Variants in OR8U3 observed in about 807,000 individuals in gnomAD.
The protein encoded by OR8U3 is olfactory receptor 8U3.
For missense variants in OR8U3, 429 were observed against 388.6 expected, an observed-to-expected ratio of 1.10 and a Z score of -0.88; for synonymous variants, 170 against 147.0, an observed-to-expected ratio of 1.16 and a Z score of -1.13.
In OR8U3 at chr11:56,417,542, T is replaced by G. The variant is rs1210281874; in HGVS notation, c.691A>C (p.Thr231Pro). Residue 231 changes from threonine (T) to proline (P), a missense_variant, in exon 1 of 1, where the codon ACT becomes CCT. By Grantham distance (38) the Thr-to-Pro change is conservative. Transcript: ENST00000623286. ...IIAAILRIRS[T>P]QGQHKAISTC... The stretch of plus-strand genomic sequence containing the variant: ...GAAATGGCTTTGTGTTGCCCCTGAG[T>G]AGAGCGGATCCTTAGGATAGCGGCA... 2 of 1,613,796 alleles carry G rather than the reference T, an allele frequency of 1.2e-6. No homozygotes were observed.
chr11:56,418,093 G>A lies in OR8U3; in HGVS notation c.140C>T (p.Thr47Ile), dbSNP rs757556492. Residue 47 changes from threonine (T) to isoleucine (I), a missense_variant, in exon 1 of 1, where the codon ACT becomes ATT. Coordinates refer to ENST00000623286, the MANE Select transcript of OR8U3 (RefSeq NM_001004744.1). ...VTVLGNLGLI[T>I]LIKIDTRLHT... ...GAGTCGAGTATCAATCTTGATTAAA[G>A]TAATCAACCCAAGATTGCCCAGCAC... is the stretch of plus-strand genomic sequence containing the variant. 3 of 1,613,702 alleles carry A rather than the reference G, an allele frequency of 1.9e-6. No homozygotes were observed. The highest frequency in any genetic ancestry group is 1.7e-5 in the Admixed American group (1 of 59,942).
In OR8U3 at chr11:56,417,847, G is replaced by T; in HGVS notation, c.386C>A (p.Pro129His). 2 of 1,613,748 alleles carry T rather than the reference G, an allele frequency of 1.2e-6. No individual in the cohort carries two copies. Among genetic ancestry groups the T allele is most frequent in the East Asian group, 4.5e-5 (2 of 44,874 alleles). Residue 129 changes from proline (P) to histidine (H), a missense_variant, in exon 1 of 1, where the codon CCC becomes CAC. Pro to His is a moderately conservative substitution (Grantham distance 77). Coordinates refer to ENST00000623286, the MANE Select transcript of OR8U3 (RefSeq NM_001004744.1). ...AYDCYVAICSPLHYSTLMSRR... is the reference protein window; with the variant it reads ...AYDCYVAICSHLHYSTLMSRR... The stretch of plus-strand genomic sequence containing the variant: ...TGACATCAGTGTTGAATAATGCAGG[G>T]GACTACAGATGGCGACATAGCAATC...
At position 56,417,616 on chromosome 11, in the gene OR8U3, T is replaced by A. The variant is rs777447613; in HGVS notation, c.617A>T (p.Asp206Val). 3.7e-6 allele frequency: 6 copies of A among 1,614,000 alleles called. No individual in the cohort carries two copies. The highest frequency in any genetic ancestry group is 5.1e-6 in the Non-Finnish European group (6 of 1,179,950). Reference sequence around the variant, plus strand: ...GACAATGGAAGAGGAAGAGATCATATCAAAGCCAGCAAAGGCAAATATCAG... The same window carrying A: ...GACAATGGAAGAGGAAGAGATCATAACAAAGCCAGCAAAGGCAAATATCAG... ...EILIFAFAGFDMISSSSIVLT... is the reference protein window; with the variant it reads ...EILIFAFAGFVMISSSSIVLT... Residue 206 changes from aspartate to valine, a missense_variant, in exon 1 of 1, where the codon GAT becomes GTT. By Grantham distance (152) the Asp-to-Val change is radical. Coordinates refer to ENST00000623286, the MANE Select transcript of OR8U3 (RefSeq NM_001004744.1).
chr11:56,417,932 G>C lies in OR8U3; in HGVS notation c.301C>G (p.Leu101Val). The change falls in exon 1 of 1, where the codon CTG becomes GTG. Residue 101 changes from leucine (L) to valine (V), a missense_variant. Leu to Val is a conservative substitution (Grantham distance 32, BLOSUM62 1). Coordinates refer to ENST00000623286, the MANE Select transcript of OR8U3 (RefSeq NM_001004744.1). ...ATCATGAAGGTGAGAAAACAACCCA[G>C]TTGGGTTGCACAAGCATGGAAAGGA... Reference protein sequence around the residue: ...TIPFHACATQLGCFLTFMITE... With the variant: ...TIPFHACATQVGCFLTFMITE... 1 of 1,613,614 alleles carries C rather than the reference G, an allele frequency of 6.2e-7. No homozygotes were observed. The highest frequency in any genetic ancestry group is 8.5e-7 in the Non-Finnish European group (1 of 1,179,640).
chr11:56,417,768 A>T lies in OR8U3; in HGVS notation c.465T>A (p.Val155=), dbSNP rs767309235. ...AAGTGATAACGGTGTGGAAGAGGGCAACCAGGAAGCTGTATATATATGGAA... is the reference window on the plus strand; with the variant it reads ...AAGTGATAACGGTGTGGAAGAGGGCTACCAGGAAGCTGTATATATATGGAA... ...VAVPYIYSFL[V]ALFHTVITFR... The change falls in exon 1 of 1, where the codon GTT becomes GTA. Residue 155 remains valine (V), a synonymous_variant. Coordinates refer to ENST00000623286, the MANE Select transcript of OR8U3 (RefSeq NM_001004744.1). 6.8e-6 allele frequency: 11 copies of T among 1,613,950 alleles called. No individual in the cohort carries two copies. The East Asian group carries it at 2.5e-4, about 36-fold the overall frequency.
At position 56,417,528 on chromosome 11, in the gene OR8U3, G is replaced by T. The variant is rs1023655574; in HGVS notation, c.705C>A (p.His235Gln). ...ILRIRSTQGQ[H>Q]KAISTCGSHM... Reference sequence around the variant, plus strand: ...GGGAGCCACAGGTGGAAATGGCTTTGTGTTGCCCCTGAGTAGAGCGGATCC... The same window carrying T: ...GGGAGCCACAGGTGGAAATGGCTTTTTGTTGCCCCTGAGTAGAGCGGATCC... Residue 235 changes from histidine (H) to glutamine (Q), a missense_variant, in exon 1 of 1, where the codon CAC becomes CAA. Coordinates refer to ENST00000623286, the MANE Select transcript of OR8U3 (RefSeq NM_001004744.1). 1 of 1,613,996 alleles carries T rather than the reference G, an allele frequency of 6.2e-7. No homozygotes were observed. The highest frequency in any genetic ancestry group is 1.3e-5 in the African/African-American group (1 of 75,042).
chr11:56,417,432 G>A lies in OR8U3; in HGVS notation c.801C>T (p.Ser267=). The change falls in exon 1 of 1, where the codon TCC becomes TCT. Residue 267 remains serine, a synonymous_variant. Coordinates refer to ENST00000623286, the MANE Select transcript of OR8U3 (RefSeq NM_001004744.1). The part of the protein sequence containing the change: ...FMYLQPKSNH[S]LDTDKMASVF... ...CAGAAGCCATCTTGTCTGTGTCCAA[G>A]GAGTGATTTGATTTGGGCTGTAGGT... is the stretch of plus-strand genomic sequence containing the variant. 6.2e-7 allele frequency: 1 copy of A among 1,613,358 alleles called. No individual in the cohort carries two copies. Among genetic ancestry groups the A allele is most frequent in the Middle Eastern group, 1.7e-4 (1 of 6,058 alleles).
chr11:56,417,557 G>C lies in OR8U3; in HGVS notation c.676C>G (p.Leu226Val). The C allele has an allele frequency of 1.2e-6, 2 of 1,613,890 alleles. No individual in the cohort carries two copies. The highest frequency in any genetic ancestry group is 8.5e-7 in the Non-Finnish European group (1 of 1,179,860). ...TSYIFIIAAI[L>V]RIRSTQGQHK... is the part of the protein sequence containing the mutation. The stretch of plus-strand genomic sequence containing the variant: ...TGCCCCTGAGTAGAGCGGATCCTTA[G>C]GATAGCGGCAATAATAAAGATGTAG... The change falls in exon 1 of 1, where the codon CTA becomes GTA. Residue 226 changes from leucine (L) to valine (V), a missense_variant. Coordinates refer to ENST00000623286, the MANE Select transcript of OR8U3 (RefSeq NM_001004744.1).
rs750605605 is a variant in OR8U3 at position 56,417,310 on chromosome 11, C to G, written c.923G>C (p.Gly308Ala). 2 of 1,562,216 alleles carry G rather than the reference C, an allele frequency of 1.3e-6. No individual in the cohort carries two copies. Among genetic ancestry groups the G allele is most frequent in the Non-Finnish European group, 1.8e-6 (2 of 1,141,206 alleles). ...TGTTAATATCTGTAAGTTTTCACAA[C>G]CTTTATCCAAGGCTTTCTTTGAGGC... ...KDASKKALDK[G>A]CENLQILTFL... Residue 308 changes from glycine (G) to alanine (A), a missense_variant, in exon 1 of 1, where the codon GGT (glycine) becomes GCT (alanine). Coordinates refer to ENST00000623286, the MANE Select transcript of OR8U3 (RefSeq NM_001004744.1).
Position 56,418,014 on chromosome 11 carries a change from G to A in OR8U3, c.219C>T (p.Tyr73=). 1 of 1,613,840 alleles carries A rather than the reference G, an allele frequency of 6.2e-7. No homozygotes were observed. The highest frequency in any genetic ancestry group is 8.5e-7 in the Non-Finnish European group (1 of 1,179,886). Residue 73 remains tyrosine, a synonymous_variant, in exon 1 of 1, where the codon TAC becomes TAT. Transcript: ENST00000623286. ...LSHLAFVDLC[Y]SSAITPKMMV... is the part of the protein sequence containing the mutation. ...TCATCTTCGGTGTAATAGCAGAGGA[G>A]TAACAAAGGTCAACAAAGGCCAGGT...
At position 56,417,567 on chromosome 11, in the gene OR8U3, A is replaced by G; in HGVS notation, c.666T>C (p.Ile222=). ...TAGAGCGGATCCTTAGGATAGCGGC[A>G]ATAATAAAGATGTAGGAGGTGAGGA... The part of the protein sequence containing the change: ...SIVLTSYIFI[I]AAILRIRSTQ... The change falls in exon 1 of 1, where the codon ATT becomes ATC. Residue 222 remains isoleucine, a synonymous_variant. Transcript: ENST00000623286. 1 of 1,613,918 alleles carries G rather than the reference A, an allele frequency of 6.2e-7. No homozygotes were observed. The highest frequency in any genetic ancestry group is 8.5e-7 in the Non-Finnish European group (1 of 1,179,850).
Position 56,417,602 on chromosome 11 carries a change from A to C in OR8U3, c.631T>G (p.Ser211Ala), listed in dbSNP as rs1190474277. The change falls in exon 1 of 1, where the codon TCT becomes GCT. Residue 211 changes from serine to alanine, a missense_variant. Transcript: ENST00000623286. ...AFAGFDMISSSSIVLTSYIFI... is the reference protein window; with the variant it reads ...AFAGFDMISSASIVLTSYIFI... The stretch of plus-strand genomic sequence containing the variant: ...ATGTAGGAGGTGAGGACAATGGAAG[A>C]GGAAGAGATCATATCAAAGCCAGCA... The C allele has an allele frequency of 6.2e-7, 1 of 1,613,898 alleles. No homozygotes were observed. Among genetic ancestry groups the C allele is most frequent in the African/African-American group, 1.3e-5 (1 of 74,926 alleles).
Position 56,417,517 on chromosome 11 carries a change from G to C in OR8U3, c.716C>G (p.Ser239Cys), listed in dbSNP as rs1336651824. ...RSTQGQHKAI[S>C]TCGSHMVTVT... ...AGTCACCATATGGGAGCCACAGGTG[G>C]AAATGGCTTTGTGTTGCCCCTGAGT... Residue 239 changes from serine (S) to cysteine (C), a missense_variant, in exon 1 of 1, where the codon TCC (serine) becomes TGC (cysteine). Transcript: ENST00000623286. 1 of 1,613,868 alleles carries C rather than the reference G, an allele frequency of 6.2e-7. No homozygotes were observed. Among genetic ancestry groups the C allele is most frequent in the African/African-American group, 1.3e-5 (1 of 74,918 alleles).
At position 56,417,333 on chromosome 11, in the gene OR8U3, G is replaced by T. The variant is rs745759466; in HGVS notation, c.900C>A (p.Ala300=). ...YSLRNKEVKD[A]SKKALDKGCE... ...AACCTTTATCCAAGGCTTTCTTTGA[G>T]GCATCTTTCACTTCTTTGTTCCTTA... Residue 300 remains alanine (A), a synonymous_variant, in exon 1 of 1, where the codon GCC becomes GCA. Transcript: ENST00000623286. 1 of 1,598,792 alleles carries T rather than the reference G, an allele frequency of 6.3e-7. No individual in the cohort carries two copies. The highest frequency in any genetic ancestry group is 1.1e-5 in the South Asian group (1 of 89,918).
chr11:56,417,747 G>A lies in OR8U3; in HGVS notation c.486C>T (p.Ile162=). 1 of 1,614,040 alleles carries A rather than the reference G, an allele frequency of 6.2e-7. No homozygotes were observed. Among genetic ancestry groups the A allele is most frequent in the Non-Finnish European group, 8.5e-7 (1 of 1,179,962 alleles). Residue 162 remains isoleucine (I), a synonymous_variant, in exon 1 of 1, where the codon ATC becomes ATT. Transcript: ENST00000623286. ...SFLVALFHTV[I]TFRLTYCGPN... is the part of the protein sequence containing the mutation. ...GGCCACAGTAAGTCAGACGGAAAGT[G>A]ATAACGGTGTGGAAGAGGGCAACCA...
In OR8U3 at chr11:56,417,498, C is replaced by T. The variant is rs149746622; in HGVS notation, c.735G>A (p.Met245Ile). The T allele has an allele frequency of 5.0e-6, 8 of 1,613,800 alleles. No homozygotes were observed. In the African/African-American group the frequency reaches 1.1e-4, roughly 22 times the overall value. Residue 245 changes from methionine (M) to isoleucine (I), a missense_variant, in exon 1 of 1, where the codon ATG becomes ATA. By Grantham distance (10) the Met-to-Ile change is conservative. Transcript: ENST00000623286. ...TGCCATAGAAAATAGTGACAGTCAC[C>T]ATATGGGAGCCACAGGTGGAAATGG... ...HKAISTCGSH[M>I]VTVTIFYGTL...
rs140750694 is a variant in OR8U3, at chr11:56,417,967, C to T, written c.266G>A (p.Arg89His). ...PKMMVNFVVE[R>H]NTIPFHACAT... ...ACAAGCATGGAAAGGAATGGTGTTG[C>T]GTTCCACAACAAAATTCACCATCAT... The change falls in exon 1 of 1, where the codon CGC becomes CAC. Residue 89 changes from arginine (R) to histidine (H), a missense_variant. Physicochemically the swap from Arg to His is conservative, Grantham distance 29. Coordinates refer to ENST00000623286, the MANE Select transcript of OR8U3 (RefSeq NM_001004744.1). The T allele has an allele frequency of 9.3e-6, 15 of 1,613,744 alleles. No individual in the cohort carries two copies. Among genetic ancestry groups the T allele is most frequent in the African/African-American group, 6.7e-5 (5 of 75,006 alleles).
rs1205014270 is a variant in OR8U3, at chr11:56,417,636, T to C, written c.597A>G (p.Ile199Met). 1.2e-6 allele frequency: 2 copies of C among 1,613,940 alleles called. No individual in the cohort carries two copies. The highest frequency in any genetic ancestry group is 8.5e-7 in the Non-Finnish European group (1 of 1,179,952). Residue 199 changes from isoleucine to methionine, a missense_variant, in exon 1 of 1, where the codon ATA (isoleucine) becomes ATG (methionine). Ile to Met is a conservative substitution (Grantham distance 10). Transcript: ENST00000623286. ...CSDTHMKEIL[I>M]FAFAGFDMIS... is the part of the protein sequence containing the mutation. ...TCATATCAAAGCCAGCAAAGGCAAA[T>C]ATCAGAATTTCCTTCATGTGTGTGT...
rs61901985 is a variant in OR8U3, at chr11:56,417,677, C to T, written c.556G>A (p.Ala186Thr). 6.9e-3 allele frequency: 11,203 copies of T among 1,613,870 alleles called. 43 individuals are homozygous for T. Among genetic ancestry groups the T allele is most frequent in the Non-Finnish European group, 8.4e-3 (9,874 of 1,179,886 alleles). ...HFYCDDLPFLALSCSDTHMKE... is the reference protein window; with the variant it reads ...HFYCDDLPFLTLSCSDTHMKE... The stretch of plus-strand genomic sequence containing the variant: ...ATGTGTGTGTCTGAGCAGGACAGAG[C>T]TAAGAAGGGGAGGTCATCACAATAG... Residue 186 changes from alanine (A) to threonine (T), a missense_variant, in exon 1 of 1, where the codon GCT (alanine) becomes ACT (threonine). Transcript: ENST00000623286.
Sources: allele counts gnomAD v4.1 joint callset, GRCh38; gene constraint gnomAD v4.1.1; transcripts MANE v1.5; gene names NCBI Gene and HGNC (gene_info 2026-07-23, HGNC 2026-07-21).